ZNF19: variants seen among roughly 807,000 people sequenced by gnomAD.
ZNF19 encodes the protein zinc finger protein 19.
A neutral mutation model predicts 13.1 loss-of-function variants in ZNF19; 11 were observed. The ratio of observed to expected loss-of-function variants is 0.84; its 90% CI spans 0.53 to 1.39. The LOEUF is 1.39. Ranked by LOEUF, ZNF19 falls within the 40% of genes most tolerant of loss-of-function variation. The probability of loss-of-function intolerance (pLI) is 0.00; values close to 1 mark genes in which losing one functional copy is unlikely to be tolerated. For synonymous variants in ZNF19, 186 were observed against 187.0 expected, an observed-to-expected ratio of 0.99 and a Z score of 0.04; for missense variants, 560 against 547.0, an observed-to-expected ratio of 1.02 and a Z score of -0.24.
Position 71,474,991 on chromosome 16 carries a change from T to A in ZNF19, c.*179A>T, listed in dbSNP as rs994530139. On this transcript the variant is annotated 3_prime_UTR_variant, in exon 6 of 6. Transcript: ENST00000288177. ...GGGGTGGGCGGGGGGAGAGTATTTG[T>A]TCCTATTAGCTCTTGCAATCCTGGG... 7 of 741,204 alleles carry A rather than the reference T, an allele frequency of 9.4e-6. No homozygotes were observed. The African/African-American group carries it at 1.2e-4, about 13-fold the overall frequency. 45.9% of individuals were successfully genotyped at this position (741,204 alleles called of 1,614,324 possible).
At chr16:71,483,533 G>A (rs1203470865) in intron 2 of ZNF19, among the ~76,000 whole-genome samples, 5 of 152,098 alleles carry the variant, frequency 3.3e-5, no homozygotes, top group Non-Finnish European at 4.4e-5. Flanking sequence ...TTACAACTGA[G>A]ATTCTCTGCC....
chr16:71,487,250 T>C (rs1224120876), intron 1 of ZNF19: 1 of 152,186 alleles, frequency 6.6e-6, no homozygotes, highest in Non-Finnish European at 1.5e-5. Flanking sequence ...GTTCTCGTGA[T>C]AGTGAGTTCT....
intron 5 of ZNF19, 39 bp downstream of exon 5, chr16:71,478,189 A>G (rs567438605): frequency 2.9e-4 from 417 of 1,423,042 alleles, no homozygotes; most frequent in Non-Finnish European, 1.4e-5. Flanking sequence ...GTGCTCCATA[A>G]AACGCTACAA....
At chr16:71,489,109 G>T in intron 1 of ZNF19, 163 bp downstream of exon 1, 1 of 340,006 alleles carries the variant, frequency 2.9e-6, no homozygotes, top group Non-Finnish European at 4.2e-6. Context: ...CAGCTGTACA[G>T]CCTCCAAGAG....
At position 71,475,247 on chromosome 16, in the gene ZNF19, C is replaced by T. The variant is rs546976870; in HGVS notation, c.1300G>A (p.Val434Ile). 8 of 1,614,186 alleles carry T rather than the reference C, an allele frequency of 5.0e-6. No individual in the cohort carries two copies. The highest frequency in any genetic ancestry group is 6.8e-6 in the Non-Finnish European group (8 of 1,180,020). The change falls in exon 6 of 6, where the codon GTC becomes ATC. Residue 434 changes from valine to isoleucine, a missense_variant. Physicochemically the swap from Val to Ile is conservative, Grantham distance 29. Transcript: ENST00000288177. Reference sequence around the variant, plus strand: ...AGCACAGGCTTCTCTCCAGAGTAGACATGCTCAAGGTGACCTAGCTGGGAA... The same window carrying T: ...AGCACAGGCTTCTCTCCAGAGTAGATATGCTCAAGGTGACCTAGCTGGGAA... ...TSSQLGHLEHVYSGEKPVLDI... is the reference protein window; with the variant it reads ...TSSQLGHLEHIYSGEKPVLDI...
At chr16:71,478,835 C>G in intron 4 of ZNF19, 44 bp downstream of exon 4, 1 of 1,597,948 alleles carries the variant, frequency 6.3e-7, no homozygotes, top group South Asian at 1.1e-5. Context: ...AGGAAGGAAA[C>G]TGGAAAAGTA....
At chr16:71,481,506 T>C (rs1409858090) in intron 3 of ZNF19, among the ~76,000 whole-genome samples, 1 of 152,236 alleles carries the variant, frequency 6.6e-6, no homozygotes, top group African/African-American at 2.4e-5. Flanking sequence ...ATGATGCCAC[T>C]GAGGCCTAAC....
rs773038191 is a variant in ZNF19, at chr16:71,478,949, G to A, written c.90C>T (p.Gly30=). The A allele has an allele frequency of 3.1e-6, 5 of 1,614,212 alleles. No individual in the cohort carries two copies. Among genetic ancestry groups the A allele is most frequent in the Non-Finnish European group, 4.2e-6 (5 of 1,180,038 alleles). ...AVHFTKTEWT[G]LSPAQRALYR... is the part of the protein sequence containing the mutation. ...ACAGGGCCCTCTGGGCAGGAGAAAG[G>A]CCAGTCCATTCTGTCTTGGTGAAGT... Residue 30 remains glycine (G), a synonymous_variant, in exon 4 of 6, where the codon GGC becomes GGT. Coordinates refer to ENST00000288177, the MANE Select transcript of ZNF19 (RefSeq NM_006961.4).
At position 71,489,288 on chromosome 16, in the gene ZNF19, A is replaced by G. The variant is rs986344130; in HGVS notation, c.-206T>C. The G allele has an allele frequency of 7.3e-5, 72 of 985,444 alleles. No individual in the cohort carries two copies. In the African/African-American group the frequency reaches 1.2e-3, roughly 16 times the overall value. 61.0% of individuals were successfully genotyped at this position (985,444 alleles called of 1,614,324 possible). On this transcript the variant is annotated 5_prime_UTR_variant, in exon 1 of 6. Coordinates refer to ENST00000288177, the MANE Select transcript of ZNF19 (RefSeq NM_006961.4). ...CTTTGGCACCTTTGAGCGCGGACTC[A>G]AAACAGGCCAGAAGCGCACCGCTAG...
In ZNF19 at chr16:71,475,148, T is replaced by C; in HGVS notation, c.*22A>G. On this transcript the variant is annotated 3_prime_UTR_variant, in exon 6 of 6. Coordinates refer to ENST00000288177, the MANE Select transcript of ZNF19 (RefSeq NM_006961.4). ...TGAGTAGAAGACGGAATCCACTCAGTACATTTCACTGGAGTGTACTATTAC... is the reference window on the plus strand; with the variant it reads ...TGAGTAGAAGACGGAATCCACTCAGCACATTTCACTGGAGTGTACTATTAC... The C allele has an allele frequency of 1.9e-6, 3 of 1,546,608 alleles. No homozygotes were observed. Among genetic ancestry groups the C allele is most frequent in the Middle Eastern group, 3.4e-4 (2 of 5,924 alleles).
In ZNF19 at chr16:71,475,339, T is replaced by C; in HGVS notation, c.1208A>G (p.His403Arg). The change falls in exon 6 of 6, where the codon CAT becomes CGT. Residue 403 changes from histidine (H) to arginine (R), a missense_variant. Physicochemically the swap from His to Arg is conservative, Grantham distance 29. Transcript: ENST00000288177. ...ALTSKRNLHQ[H>R]QRIHTGEKPY... ...TTTCTCTCCAGTATGGATTCTTTGATGCTGATGAAGATTTCTTTTGCTAGT... is the reference window on the plus strand; with the variant it reads ...TTTCTCTCCAGTATGGATTCTTTGACGCTGATGAAGATTTCTTTTGCTAGT... The C allele has an allele frequency of 1.2e-6, 2 of 1,614,178 alleles. No individual in the cohort carries two copies. The highest frequency in any genetic ancestry group is 1.7e-6 in the Non-Finnish European group (2 of 1,180,012).
intron 2 of ZNF19, among the ~76,000 whole-genome samples, chr16:71,483,998 T>C (rs1388863713): frequency 2.0e-5 from 3 of 152,240 alleles, no homozygotes; most frequent in African/African-American, 7.2e-5. Context: ...GCAAAAGCCA[T>C]GTTCTAGTAG....
intron 5 of ZNF19, among the ~76,000 whole-genome samples, chr16:71,477,717 C>G (rs1453737138): frequency 1.3e-5 from 2 of 152,154 alleles, no homozygotes; most frequent in Admixed American, 1.3e-4. Context: ...GTGCTCAGCT[C>G]TGAATTCCTA....
intron 5 of ZNF19, among the ~76,000 whole-genome samples, chr16:71,477,703 C>T (rs932955212): frequency 6.6e-6 from 1 of 152,106 alleles, no homozygotes. Context: ...GCACCTCACG[C>T]CCTGTGCTCA....
intron 3 of ZNF19, among the ~76,000 whole-genome samples, chr16:71,480,031 G>C (rs1295984879): frequency 2.6e-5 from 4 of 152,100 alleles, no homozygotes; most frequent in Non-Finnish European, 4.4e-5. Context: ...GGACTCAAGA[G>C]ATCCGTCTGC....
In ZNF19 at chr16:71,475,239, A is replaced by C. The variant is rs1317780897; in HGVS notation, c.1308T>G (p.Ser436=). The C allele has an allele frequency of 6.2e-7, 1 of 1,614,068 alleles. No individual in the cohort carries two copies. The highest frequency in any genetic ancestry group is 2.2e-5 in the East Asian group (1 of 44,904). ...AAATGTCCAGCACAGGCTTCTCTCCAGAGTAGACATGCTCAAGGTGACCTA... is the reference window on the plus strand; with the variant it reads ...AAATGTCCAGCACAGGCTTCTCTCCCGAGTAGACATGCTCAAGGTGACCTA... ...SQLGHLEHVY[S]GEKPVLDICR... Residue 436 remains serine (S), a synonymous_variant, in exon 6 of 6, where the codon TCT becomes TCG. Coordinates refer to ENST00000288177, the MANE Select transcript of ZNF19 (RefSeq NM_006961.4).
At chr16:71,477,120 G>A (rs2043607616) in intron 5 of ZNF19, among the ~76,000 whole-genome samples, 1 of 152,170 alleles carries the variant, frequency 6.6e-6, no homozygotes, top group Non-Finnish European at 1.5e-5. Flanking sequence ...ATGAAATGAT[G>A]GGCTTGGTTT....
intron 4 of ZNF19, 33 bp from the exon 5 acceptor site, chr16:71,478,374 C>A: frequency 6.7e-7 from 1 of 1,482,414 alleles, no homozygotes; most frequent in Non-Finnish European, 9.4e-7. Context: ...ACTTTTCAGC[C>A]CTGTATCTGC....
chr16:71,484,759 A>G lies in ZNF19; in HGVS notation c.-189-11T>C, dbSNP rs954553135. On this transcript the variant is annotated splice_polypyrimidine_tract_variant and intron_variant, in intron 1 of 5. Transcript: ENST00000288177. ...GGGATCCTCAGAGACCTTGAATAGG[A>G]AAGAAAGTATATCATTGTTTTCGCT... The G allele has an allele frequency of 7.1e-6, 7 of 984,368 alleles. No homozygotes were observed. In the African/African-American group the frequency reaches 1.2e-4, roughly 17 times the overall value. 61.0% of individuals were successfully genotyped at this position (984,368 alleles called of 1,614,324 possible).
Sources: allele counts gnomAD v4.1 joint callset (sites outside exome capture counted in the v4.1 genomes callset), GRCh38; gene constraint gnomAD v4.1.1; transcripts MANE v1.5; gene names NCBI Gene and HGNC (gene_info 2026-07-23, HGNC 2026-07-21).